Variants in HS3ST4 observed in about 807,000 individuals in gnomAD.
The protein encoded by HS3ST4 is heparan sulfate-glucosamine 3-sulfotransferase 4, also known as heparan sulfate glucosamine 3-O-sulfotransferase 4.
Under a neutral mutation model 29.2 loss-of-function variants are expected in HS3ST4, and 17 were observed. The ratio of observed to expected loss-of-function variants is 0.58; its 90% confidence interval spans 0.40 to 0.87. The LOEUF (loss-of-function observed/expected upper bound fraction) is 0.87. Ranked by LOEUF, HS3ST4 falls within the 40% of genes least tolerant of loss-of-function variation. The pLI, the probability that HS3ST4 is intolerant of heterozygous loss-of-function variation, is 0.00. For synonymous variants in HS3ST4, 314 were observed against 285.7 expected, an observed-to-expected ratio of 1.10 and a Z score of -1.00; for missense variants, 627 against 634.5, an observed-to-expected ratio of 0.99 and a Z score of 0.13.
At chr16:25,894,891 T>C (rs1968044451) in intron 1 of HS3ST4, among the ~76,000 whole-genome samples, 1 of 152,232 alleles carries the variant, frequency 6.6e-6, no homozygotes, top group South Asian at 2.1e-4. Flanking sequence ...GAATGCGTTA[T>C]GTTTAGCAAT....
At chr16:25,924,460 A>T (rs1968383942) in intron 1 of HS3ST4, among the ~76,000 whole-genome samples, 1 of 152,248 alleles carries the variant, frequency 6.6e-6, no homozygotes, top group South Asian at 2.1e-4. Context: ...GCTGTGCTAG[A>T]AATCCTTTAG....
At position 25,917,144 on chromosome 16, in the gene HS3ST4, C is replaced by G. The variant is rs189517457; in HGVS notation, c.735-218468C>G. ...AATCTGTTTTTGTAGATGGGTTTGC[C>G]TAGCCTAGTTCTAGCACATACTAGG... On this transcript the variant is annotated intron_variant, in intron 1 of 1. Coordinates refer to ENST00000331351, the MANE Select transcript of HS3ST4 (RefSeq NM_006040.3). Among the ~76,000 whole-genome samples, 252 of 152,258 alleles carry G rather than the reference C, an allele frequency of 1.7e-3. 1 individual carries two copies. The highest frequency in any genetic ancestry group is 5.7e-3 in the African/African-American group (237 of 41,552).
chr16:25,691,961 C>T lies in HS3ST4; in HGVS notation c.-457C>T, dbSNP rs1347835922. ...GGCGCGCGCCCGGCCCCCTCCTCCT[C>T]CCCTCCGCGCCTCTCCTCTCTCCCG... On this transcript the variant is annotated 5_prime_UTR_variant, in exon 1 of 2. Transcript: ENST00000331351. 6.6e-6 allele frequency: 1 copy of T among 151,228 alleles called. No homozygotes were observed. The highest frequency in any genetic ancestry group is 1.5e-5 in the Non-Finnish European group (1 of 67,756). The allele number at this position is 151,228 out of a possible 1,614,324, so 9.4% of individuals were successfully genotyped here. A position where few individuals can be genotyped will look rare whatever the true frequency, so the allele number is the denominator to read the frequency against.
chr16:25,733,197 G>A (rs757669226), intron 1 of HS3ST4, among the ~76,000 whole-genome samples: 5 of 152,212 alleles, frequency 3.3e-5, no homozygotes, highest in Non-Finnish European at 7.3e-5. Context: ...TTTGTTTTAT[G>A]TGCCAAGAAA....
At chr16:25,992,031 A>G (rs907259678) in intron 1 of HS3ST4, among the ~76,000 whole-genome samples, 6 of 152,162 alleles carry the variant, frequency 3.9e-5, no homozygotes, top group African/African-American at 1.4e-4. Flanking sequence ...AAAAACAAAC[A>G]AACAAACAAA....
intron 1 of HS3ST4, among the ~76,000 whole-genome samples, chr16:25,815,845 C>T (rs1967088421): frequency 6.6e-6 from 1 of 152,200 alleles, no homozygotes; most frequent in African/African-American, 2.4e-5. Context: ...GCTCCAGCCT[C>T]ACGAAACTTT....
At chr16:25,743,013 C>T (rs1050057544) in intron 1 of HS3ST4, among the ~76,000 whole-genome samples, 11 of 152,290 alleles carry the variant, frequency 7.2e-5, no homozygotes, top group East Asian at 1.9e-4. Flanking sequence ...ATTGAACTTC[C>T]GCAAAGCCCC....
chr16:25,922,796 C>T (rs1331476729), intron 1 of HS3ST4, among the ~76,000 whole-genome samples: 1 of 152,208 alleles, frequency 6.6e-6, no homozygotes, highest in Non-Finnish European at 1.5e-5. Flanking sequence ...AGTCTCTGAG[C>T]ATGTGTCCTA....
At chr16:26,047,258 A>G (rs1898282665) in intron 1 of HS3ST4, among the ~76,000 whole-genome samples, 1 of 152,206 alleles carries the variant, frequency 6.6e-6, no homozygotes, top group Admixed American at 6.5e-5. Context: ...AAGCCCCTGT[A>G]GGTCAGAAGT....
At chr16:26,042,038 T>G (rs1397756521) in intron 1 of HS3ST4, among the ~76,000 whole-genome samples, 1 of 152,180 alleles carries the variant, frequency 6.6e-6, no homozygotes. Context: ...TGCATAATTG[T>G]TCCTGGCAAG....
At position 25,868,269 on chromosome 16, in the gene HS3ST4, C is replaced by T. The variant is rs578186898; in HGVS notation, c.734+175118C>T. ...GGAATGAACAGACTTAGAACTTTGG[C>T]GGCTGCAGCGACTTCTATGCCAAAA... On this transcript the variant is annotated intron_variant, in intron 1 of 1. Coordinates refer to ENST00000331351, the MANE Select transcript of HS3ST4 (RefSeq NM_006040.3). 5.9e-5 allele frequency among the ~76,000 whole-genome samples: 9 copies of T among 152,088 alleles called. No individual in the cohort carries two copies. In the East Asian group the frequency reaches 7.7e-4, roughly 13 times the overall value.
At chr16:25,924,831 T>C (rs1395598702) in intron 1 of HS3ST4, among the ~76,000 whole-genome samples, 1 of 152,228 alleles carries the variant, frequency 6.6e-6, no homozygotes, top group Admixed American at 6.5e-5. Flanking sequence ...TGGTTTTGGA[T>C]AATGAACATC....
intron 1 of HS3ST4, among the ~76,000 whole-genome samples, chr16:25,754,129 C>T (rs573625202): frequency 1.5e-4 from 23 of 152,188 alleles, no homozygotes; most frequent in African/African-American, 2.2e-4. Context: ...GAGAAAGTGC[C>T]GGTCTTATAA....
chr16:25,762,662 G>A (rs1229867423), intron 1 of HS3ST4, among the ~76,000 whole-genome samples: 1 of 151,850 alleles, frequency 6.6e-6, no homozygotes, highest in African/African-American at 2.4e-5. Context: ...AGCTCAGGAG[G>A]TTGAGATCAG....
At chr16:26,092,429 G>A (rs1437670377) in intron 1 of HS3ST4, among the ~76,000 whole-genome samples, 9 of 152,150 alleles carry the variant, frequency 5.9e-5, no homozygotes, top group African/African-American at 2.2e-4. Context: ...GTGTATACCT[G>A]ATGATTCATC....
At chr16:26,055,147 T>C (rs1484876886) in intron 1 of HS3ST4, among the ~76,000 whole-genome samples, 1 of 151,410 alleles carries the variant, frequency 6.6e-6, no homozygotes, top group Non-Finnish European at 1.5e-5. Flanking sequence ...ATGTGAATCA[T>C]TCATGAGAGA....
At chr16:25,919,553 G>T (rs1278574489) in intron 1 of HS3ST4, among the ~76,000 whole-genome samples, 2 of 152,148 alleles carry the variant, frequency 1.3e-5, no homozygotes, top group Non-Finnish European at 2.9e-5. Context: ...TAAGCGGGGG[G>T]ACTTGGTGAT....
intron 1 of HS3ST4, among the ~76,000 whole-genome samples, chr16:25,931,126 C>T (rs1205856190): frequency 6.7e-6 from 1 of 149,100 alleles, no homozygotes; most frequent in Non-Finnish European, 1.5e-5. Context: ...AACCTCCACC[C>T]CGGGAAATGC....
intron 1 of HS3ST4, among the ~76,000 whole-genome samples, chr16:26,114,558 T>C (rs1367278761): frequency 6.6e-6 from 1 of 152,126 alleles, no homozygotes; most frequent in Non-Finnish European, 1.5e-5. Context: ...AAAATACATA[T>C]GTGCCATATG....
Sources: gnomAD v4.1 joint callset for allele counts (sites outside exome capture counted in the v4.1 genomes callset) on GRCh38, gnomAD v4.1.1 for gene constraint, MANE v1.5 for transcripts, NCBI Gene and HGNC (gene_info 2026-07-23, HGNC 2026-07-21) for gene names.